Variants in DDX42 observed in about 807,000 individuals in gnomAD.
DDX42 encodes the protein DEAD-box helicase 42.
In DDX42, 22 loss-of-function variants were observed where a neutral mutation model predicts 101.5. That is an observed-to-expected ratio of 0.22 (90% confidence interval 0.15 to 0.31). The LOEUF (loss-of-function observed/expected upper bound fraction) is 0.31, where lower values mean the gene tolerates loss of function less well. Ranked by LOEUF, DDX42 falls within the 10% of genes least tolerant of loss-of-function variation. The pLI is 1.00. For synonymous variants in DDX42, 402 were observed against 401.2 expected (o/e 1.00, Z -0.02); for missense variants, 849 against 1,199.9 (o/e 0.71, Z 4.32).
chr17:63,777,212 C>G (rs1218089507), intron 1 of DDX42, among the ~76,000 whole-genome samples: 1 of 151,628 alleles, frequency 6.6e-6, no homozygotes, highest in Non-Finnish European at 1.5e-5. Context: ...CCCAGCCAGC[C>G]ATAGGATTTA....
At chr17:63,807,119 T>C (rs1439426287) in intron 8 of DDX42, among the ~76,000 whole-genome samples, 2 of 152,132 alleles carry the variant, frequency 1.3e-5, no homozygotes, top group Non-Finnish European at 2.9e-5. Context: ...TCATTATAAA[T>C]TGCAATTTTT....
intron 13 of DDX42, chr17:63,811,608 G>A (rs925488598): frequency 1.1e-5 from 5 of 467,238 alleles, no homozygotes; most frequent in South Asian, 2.5e-5. Context: ...GTACATATGC[G>A]CTATGTGAAA....
At chr17:63,800,366 G>GT in intron 5 of DDX42, 102 bp from the exon 6 acceptor site, 1 of 1,123,652 alleles carries the variant, frequency 8.9e-7, no homozygotes, top group Non-Finnish European at 1.3e-6. Context: ...TGGTAGGTAT[G>GT]TTAACTGTGC....
intron 1 of DDX42, among the ~76,000 whole-genome samples, chr17:63,783,660 C>T (rs964039759): frequency 2.0e-5 from 3 of 152,162 alleles, no homozygotes; most frequent in South Asian, 2.1e-4. Context: ...TTACTAAATA[C>T]ATACCTTAGT....
intron 1 of DDX42, among the ~76,000 whole-genome samples, chr17:63,785,975 T>A (rs1469962237): frequency 6.6e-6 from 1 of 152,358 alleles, no homozygotes; most frequent in South Asian, 2.1e-4. Context: ...AGGATGAAGA[T>A]ATTTAGTCTT....
At chr17:63,810,251 A>AT (rs11450730) in intron 11 of DDX42, 25,422 of 121,102 alleles carry the variant, frequency 0.21, 3,272 homozygotes, top group Middle Eastern at 0.36. Flanking sequence ...CAGCCTGGCT[A>AT]TTTTTTTTTT....
rs556300636 is a variant in DDX42 at position 63,818,096 on chromosome 17, C to T, written c.2515C>T (p.Arg839Cys). 29 of 1,613,678 alleles carry T rather than the reference C, an allele frequency of 1.8e-5. No homozygotes were observed. The highest frequency in any genetic ancestry group is 2.4e-5 in the Non-Finnish European group (28 of 1,180,004). The stretch of plus-strand genomic sequence containing the variant: ...TAGTCCACGTCACGGAGATGGTGGT[C>T]GCCATGGAGATGGATACCGCCATCC... Reference protein sequence around the residue: ...SDSPRHGDGGRHGDGYRHPES... With the variant: ...SDSPRHGDGGCHGDGYRHPES... The change falls in exon 18 of 18, where the codon CGC becomes TGC. Residue 839 changes from arginine to cysteine, a missense_variant. Transcript: ENST00000389924.
intron 5 of DDX42, 85 bp from the exon 6 acceptor site, chr17:63,800,383 C>G (rs2039747984): frequency 7.4e-7 from 1 of 1,354,618 alleles, no homozygotes; most frequent in Non-Finnish European, 1.0e-6. Flanking sequence ...GTGCAATTAT[C>G]TGGTACACTA....
rs371258183 is a variant in DDX42 at position 63,810,529 on chromosome 17, C to T, written c.1269C>T (p.Ser423=). ...FDMGFEYQVR[S]IASHVRPDRQ... is the part of the protein sequence containing the mutation. ...TTCTTGCAGAGTACCAAGTTCGATC[C>T]ATAGCAAGTCATGTTCGTCCTGACA... Residue 423 remains serine, a synonymous_variant, in exon 12 of 18, where the codon TCC becomes TCT. Transcript: ENST00000389924. 1.2e-5 allele frequency: 20 copies of T among 1,613,826 alleles called. No individual in the cohort carries two copies. The highest frequency in any genetic ancestry group is 1.7e-5 in the Non-Finnish European group (20 of 1,179,980).
At chr17:63,814,696 T>TC in intron 15 of DDX42, among the ~76,000 whole-genome samples, 1 of 146,016 alleles carries the variant, frequency 6.8e-6, no homozygotes, top group Non-Finnish European at 1.5e-5. Context: ...TTTTTTTTTT[T>TC]TTCTTTTTTC....
chr17:63,781,667 T>C (rs900956810), intron 1 of DDX42, among the ~76,000 whole-genome samples: 5 of 152,274 alleles, frequency 3.3e-5, no homozygotes, highest in African/African-American at 1.2e-4. Flanking sequence ...GAAGTTTCCA[T>C]GTAAGCTTCT....
At chr17:63,776,792 A>G (rs1049178367) in intron 1 of DDX42, among the ~76,000 whole-genome samples, 1 of 152,136 alleles carries the variant, frequency 6.6e-6, no homozygotes. Context: ...AGATGAGGAA[A>G]CTGAACCCAG....
intron 12 of DDX42, among the ~76,000 whole-genome samples, chr17:63,810,797 A>T (rs1253345957): frequency 6.6e-6 from 1 of 152,232 alleles, no homozygotes; most frequent in Non-Finnish European, 1.5e-5. Context: ...CCTAAATTAT[A>T]CAGTTTTATC....
intron 13 of DDX42, 101 bp from the exon 14 acceptor site, chr17:63,811,831 C>T: frequency 6.7e-7 from 1 of 1,486,496 alleles, no homozygotes; most frequent in Non-Finnish European, 9.2e-7. Context: ...TGGGATTGTT[C>T]AAGGTCTTCT....
Position 63,806,523 on chromosome 17 carries a change from C to G in DDX42, c.727-12C>G. 1 of 1,606,564 alleles carries G rather than the reference C, an allele frequency of 6.2e-7. No individual in the cohort carries two copies. Among genetic ancestry groups the G allele is most frequent in the South Asian group, 1.1e-5 (1 of 89,696 alleles). On this transcript the variant is annotated splice_polypyrimidine_tract_variant and intron_variant, in intron 7 of 17. Coordinates refer to ENST00000389924, the MANE Select transcript of DDX42 (RefSeq NM_203499.3). ...AGTACAAGTCATTCTGGGGAGTTGT[C>G]TCTATCTCTAGGTCTCTGGTGCTGC... is the stretch of plus-strand genomic sequence containing the variant.
At chr17:63,817,049 G>C (rs1403592370) in intron 17 of DDX42, 83 bp downstream of exon 17, 27 of 1,191,938 alleles carry the variant, frequency 2.3e-5, no homozygotes, top group Non-Finnish European at 3.6e-6. Flanking sequence ...CCTGGTTGTA[G>C]CTGGGCGCCT....
intron 5 of DDX42, chr17:63,800,049 C>A: frequency 4.7e-6 from 1 of 212,892 alleles, no homozygotes; most frequent in Non-Finnish European, 9.4e-6. Flanking sequence ...CTCTTTTCCC[C>A]CATTGTTCAG....
intron 4 of DDX42, among the ~76,000 whole-genome samples, chr17:63,798,713 G>C (rs773533905): frequency 1.3e-5 from 2 of 152,228 alleles, no homozygotes. Flanking sequence ...CTGGGAAAGA[G>C]AAGTCTCTTT....
intron 17 of DDX42, 147 bp downstream of exon 17, chr17:63,817,113 C>A: frequency 1.6e-6 from 1 of 617,280 alleles, no homozygotes; most frequent in Non-Finnish European, 2.8e-6. Flanking sequence ...GAATATAAAC[C>A]TAACAGTAGC....
Sources: gnomAD v4.1 joint callset for allele counts (sites outside exome capture counted in the v4.1 genomes callset) on GRCh38, gnomAD v4.1.1 for gene constraint, MANE v1.5 for transcripts, NCBI Gene and HGNC (gene_info 2026-07-23, HGNC 2026-07-21) for gene names.